Variants in UROS observed in about 807,000 individuals in gnomAD.
UROS encodes the protein uroporphyrinogen-III synthase.
UROS carries 18 observed loss-of-function variants against 33.0 expected under a neutral mutation model. The ratio of observed to expected loss-of-function variants is 0.55; its 90% CI spans 0.38 to 0.81. The LOEUF (loss-of-function observed/expected upper bound fraction) is 0.81, where lower values mean the gene tolerates loss of function less well. Among genes scored for constraint, UROS ranks in the 30% least tolerant of loss-of-function variants. The pLI is 0.00. For synonymous variants in UROS, 114 were observed against 121.1 expected (o/e 0.94, Z 0.38); for missense variants, 293 against 314.9 (o/e 0.93, Z 0.53).
rs775028516 is a variant in UROS at position 125,798,052 on chromosome 10, G to A, written c.475+13C>T. 1 of 1,613,750 alleles carries A rather than the reference G, an allele frequency of 6.2e-7. No individual in the cohort carries two copies. ...CAAAGTGGTAAGGGATGCAGTCAAAGCATTCTACTCGCCTTTGTCCTTGAG... is the reference window on the plus strand; with the variant it reads ...CAAAGTGGTAAGGGATGCAGTCAAAACATTCTACTCGCCTTTGTCCTTGAG... On this transcript the variant is annotated intron_variant, in intron 7 of 9. Coordinates refer to ENST00000368797, the MANE Select transcript of UROS (RefSeq NM_000375.3).
chr10:125,800,879 C>G (rs1171157322), intron 6 of UROS, among the ~76,000 whole-genome samples: 1 of 152,150 alleles, frequency 6.6e-6, no homozygotes, highest in African/African-American at 2.4e-5. Context: ...TGAGGGCTTT[C>G]CTTTCACTTA....
chr10:125,795,562 C>T (rs190212515), intron 8 of UROS, among the ~76,000 whole-genome samples: 395 of 152,316 alleles, frequency 2.6e-3, no homozygotes, highest in Admixed American at 4.4e-3. Context: ...ACAGTCCCCA[C>T]GGACTCCCAA....
At chr10:125,812,342 CT>C (rs1385045330) in intron 4 of UROS, 54 bp from the exon 5 acceptor site, 1 of 1,538,240 alleles carries the variant, frequency 6.5e-7, no homozygotes, top group Non-Finnish European at 9.0e-7. Context: ...GCCATTTGGA[CT>C]GTTGCCCAAG....
intron 8 of UROS, 100 bp from the exon 9 acceptor site, chr10:125,795,078 C>T: frequency 1.7e-6 from 2 of 1,187,418 alleles, no homozygotes; most frequent in East Asian, 4.8e-5. Context: ...CCACAGGCCA[C>T]CAAGGCGGTT....
In UROS at chr10:125,807,492, A is replaced by G. The variant is rs752713860; in HGVS notation, c.320-5T>C. ...TATCCAGGCCAATTTTACTCACTGG[A>G]AAACCACAAAGAAATGTATTTCTTA... On this transcript the variant is annotated splice_region_variant and splice_polypyrimidine_tract_variant and intron_variant, in intron 5 of 9. Coordinates refer to ENST00000368797, the MANE Select transcript of UROS (RefSeq NM_000375.3). The G allele has an allele frequency of 6.5e-5, 105 of 1,612,336 alleles. No individual in the cohort carries two copies. The highest frequency in any genetic ancestry group is 1.6e-4 in the Middle Eastern group (1 of 6,078).
In UROS at chr10:125,816,277, T is replaced by C. The variant is rs1237906070; in HGVS notation, c.64-17A>G. The C allele has an allele frequency of 4.3e-6, 7 of 1,610,844 alleles. 1 individual carries two copies. The highest frequency in any genetic ancestry group is 3.3e-5 in the South Asian group (3 of 90,994). On this transcript the variant is annotated splice_polypyrimidine_tract_variant and intron_variant, in intron 2 of 9. Transcript: ENST00000368797. The stretch of plus-strand genomic sequence containing the variant: ...TCCTAATTCCTGAAATGAAAGAATA[T>C]AGTTCTGGATTGGCTAGGGCTGTTT...
chr10:125,790,825 T>G (rs1221112508), intron 9 of UROS, among the ~76,000 whole-genome samples: 1 of 145,884 alleles, frequency 6.9e-6, no homozygotes, highest in East Asian at 2.0e-4. Context: ...GCGCCGTGGC[T>G]CATGCCTGTA....
Position 125,807,423 on chromosome 10 carries a change from A to C in UROS, c.384T>G (p.Tyr128Ter). 2.5e-6 allele frequency: 4 copies of C among 1,614,054 alleles called. No individual in the cohort carries two copies. The highest frequency in any genetic ancestry group is 3.4e-6 in the Non-Finnish European group (4 of 1,179,980). The change falls in exon 6 of 10, where the codon TAT becomes TAG. Residue 128 changes from tyrosine to a stop codon, truncating the protein, a stop_gained. Transcript: ENST00000368797. LOFTEE classifies it high-confidence loss of function. ...TGTTTTTCTACTTACTGGAACAAAT[A>C]TATTCTGCAAGCTTTTCTGCATTTC... ...TCGNAEKLAE[Y>*]ICSRESSALP...
chr10:125,792,243 A>G (rs558689810), intron 9 of UROS: 22 of 152,338 alleles, frequency 1.4e-4, no homozygotes, highest in African/African-American at 5.3e-4. Context: ...AGGGGTATCA[A>G]CAGTTTGGTG....
chr10:125,798,769 C>T (rs1851570169), intron 6 of UROS, among the ~76,000 whole-genome samples: 1 of 152,264 alleles, frequency 6.6e-6, no homozygotes, highest in Non-Finnish European at 1.5e-5. Context: ...ACCACAACCT[C>T]TGCTCCCAGC....
intron 9 of UROS, among the ~76,000 whole-genome samples, chr10:125,790,519 T>C (rs1177354750): frequency 6.6e-6 from 1 of 152,228 alleles, no homozygotes; most frequent in East Asian, 1.9e-4. Context: ...AAAAAGTTTG[T>C]ATTTAGAGGC....
At chr10:125,787,933 C>T (rs1332578101), downstream of UROS, among the ~76,000 whole-genome samples, 2 of 148,978 alleles carry the variant, frequency 1.3e-5, no homozygotes, top group South Asian at 2.1e-4. Flanking sequence ...TCTGGTTCTG[C>T]CACTCACTAG....
At chr10:125,787,634 C>T (rs908435680), downstream of UROS, among the ~76,000 whole-genome samples, 2 of 152,138 alleles carry the variant, frequency 1.3e-5, no homozygotes, top group African/African-American at 4.8e-5. Context: ...GTTCTTAGTT[C>T]CTGGGCAAAT....
downstream of UROS, among the ~76,000 whole-genome samples, chr10:125,787,487 T>C (rs550987063): frequency 4.8e-4 from 73 of 152,228 alleles, no homozygotes; most frequent in Non-Finnish European, 9.3e-4. Flanking sequence ...GGGTGCACAC[T>C]GGAGGCACCT....
In UROS at chr10:125,788,592, TAGTC is replaced by T; in HGVS notation, c.*272_*275del. The T allele has an allele frequency of 1.4e-6, 2 of 1,382,218 alleles. No homozygotes were observed. The highest frequency in any genetic ancestry group is 1.4e-5 in the African/African-American group (1 of 69,148). 85.6% of individuals were successfully genotyped at this position (1,382,218 alleles called of 1,614,324 possible). A position where few individuals can be genotyped will look rare whatever the true frequency, so the allele number is the denominator to read the frequency against. ...CAACCATACACTCAGTAAGCACAGG[TAGTC>T]AGTGTGGTTTATTTGACTTCCTTCC... is the stretch of plus-strand genomic sequence containing the variant. On this transcript the variant is annotated 3_prime_UTR_variant, in exon 10 of 10. Transcript: ENST00000368797.
intron 6 of UROS, chr10:125,803,117 G>C: frequency 6.4e-7 from 1 of 1,572,114 alleles, no homozygotes; most frequent in Non-Finnish European, 8.7e-7. Context: ...TTTGGAGTCA[G>C]CCAGTCCTAG....
chr10:125,796,058 A>C (rs746001797), intron 8 of UROS, 45 bp downstream of exon 8: 3 of 1,585,988 alleles, frequency 1.9e-6, no homozygotes, highest in Non-Finnish European at 2.6e-6. Context: ...CTGCTTCCCC[A>C]CCTGGGCACC....
chr10:125,807,318 A>C lies in UROS; in HGVS notation c.394+95T>G, dbSNP rs894332560. 37 of 1,086,394 alleles carry C rather than the reference A, an allele frequency of 3.4e-5. 1 individual carries two copies. Among genetic ancestry groups the C allele is most frequent in the Admixed American group, 5.5e-5 (3 of 54,340 alleles). The allele number at this position is 1,086,394 out of a possible 1,614,324, so 67.3% of individuals were successfully genotyped here. A position where few individuals can be genotyped will look rare whatever the true frequency, so the allele number is the denominator to read the frequency against. ...TGCTCACCAATCAATCTCACCACCA[A>C]GAATGCACTGAGGAAATATTCTTTT... On this transcript the variant is annotated intron_variant, in intron 6 of 9. Coordinates refer to ENST00000368797, the MANE Select transcript of UROS (RefSeq NM_000375.3).
At chr10:125,800,861 C>T (rs897860291) in intron 6 of UROS, among the ~76,000 whole-genome samples, 6 of 152,156 alleles carry the variant, frequency 3.9e-5, no homozygotes, top group Non-Finnish European at 7.3e-5. Context: ...TGAGCCACTG[C>T]GCCCAGCTGA....
Sources: allele counts gnomAD v4.1 joint callset (sites outside exome capture counted in the v4.1 genomes callset), GRCh38; gene constraint gnomAD v4.1.1; transcripts MANE v1.5; gene names NCBI Gene and HGNC (gene_info 2026-07-23, HGNC 2026-07-21).